The following ETFA variants were observed in gnomAD, a reference collection of about 807,000 sequenced individuals.
ETFA encodes electron transfer flavoprotein subunit alpha, mitochondrial.
A neutral mutation model predicts 46.2 loss-of-function variants in ETFA; 22 were observed. The ratio of observed to expected loss-of-function variants is 0.48; its 90% CI spans 0.34 to 0.68. ETFA has a LOEUF of 0.68. Ranked by LOEUF, ETFA falls within the 30% of genes least tolerant of loss-of-function variation. ETFA has a pLI of 0.01. For synonymous variants in ETFA, 131 were observed against 139.9 expected (o/e 0.94, Z 0.45); for missense variants, 345 against 401.1 (o/e 0.86, Z 1.19).
intron 9 of ETFA, among the ~76,000 whole-genome samples, chr15:76,237,588 A>G (rs1193043219): frequency 6.6e-6 from 1 of 152,198 alleles, no homozygotes. Flanking sequence ...AACTGCTGTT[A>G]TGTGTAAAAT....
chr15:76,290,973 T>G (rs2039755475), intron 4 of ETFA, among the ~76,000 whole-genome samples: 1 of 152,146 alleles, frequency 6.6e-6, no homozygotes, highest in Non-Finnish European at 1.5e-5. Flanking sequence ...CCTAGCACTT[T>G]GGGAGGCTGA....
chr15:76,255,686 G>A (rs926981254), intron 9 of ETFA, among the ~76,000 whole-genome samples: 2 of 152,152 alleles, frequency 1.3e-5, no homozygotes, highest in Non-Finnish European at 2.9e-5. Context: ...AATCACTGAA[G>A]AATATTTTTA....
intron 9 of ETFA, among the ~76,000 whole-genome samples, chr15:76,254,804 A>G (rs2039333616): frequency 6.6e-6 from 1 of 152,140 alleles, no homozygotes; most frequent in African/African-American, 2.4e-5. Context: ...GTATATAGGG[A>G]TTAACTTAGT....
At chr15:76,250,792 C>T (rs1429876271) in intron 9 of ETFA, among the ~76,000 whole-genome samples, 1 of 151,932 alleles carries the variant, frequency 6.6e-6, no homozygotes, top group Non-Finnish European at 1.5e-5. Flanking sequence ...CTGCTGCAGC[C>T]TCCCAAAGTG....
At chr15:76,271,938 CA>C (rs1567211002) in intron 9 of ETFA, among the ~76,000 whole-genome samples, 10 of 151,588 alleles carry the variant, frequency 6.6e-5, no homozygotes, top group South Asian at 2.1e-4. Flanking sequence ...CACACACACA[CA>C]CCCTGAGTTA....
intron 9 of ETFA, among the ~76,000 whole-genome samples, chr15:76,258,689 G>A (rs993674112): frequency 2.6e-5 from 4 of 152,134 alleles, no homozygotes; most frequent in African/African-American, 9.7e-5. Context: ...CCACACCCAT[G>A]GTAACCATGG....
chr15:76,302,399 T>C (rs1352715635), intron 1 of ETFA, among the ~76,000 whole-genome samples: 5 of 149,436 alleles, frequency 3.3e-5, no homozygotes, highest in African/African-American at 1.2e-4. Context: ...AAAAACAGTC[T>C]GAAAAGGCTA....
intron 1 of ETFA, chr15:76,310,138 C>T (rs191122016): frequency 6.6e-6 from 1 of 152,040 alleles, no homozygotes; most frequent in East Asian, 1.9e-4. Flanking sequence ...CCCAGCTTCT[C>T]GGGAAGCTGA....
At chr15:76,282,090 G>C (rs1305462671) in intron 8 of ETFA, among the ~76,000 whole-genome samples, 1 of 151,920 alleles carries the variant, frequency 6.6e-6, no homozygotes, top group East Asian at 1.9e-4. Context: ...TTTTGGTACA[G>C]ATGGGGTTTC....
intron 2 of ETFA, among the ~76,000 whole-genome samples, chr15:76,295,187 A>T (rs1330808901): frequency 6.6e-6 from 1 of 152,256 alleles, no homozygotes; most frequent in Non-Finnish European, 1.5e-5. Context: ...CTTAACATTC[A>T]AATTCTTCTA....
intron 9 of ETFA, among the ~76,000 whole-genome samples, chr15:76,272,737 T>G (rs1439851964): frequency 6.6e-6 from 1 of 151,432 alleles, no homozygotes; most frequent in African/African-American, 2.4e-5. Context: ...CTGTGGTGTG[T>G]TATGATCATG....
chr15:76,283,718 A>C (rs1434422970), intron 8 of ETFA, 39 bp downstream of exon 8: 1 of 1,267,524 alleles, frequency 7.9e-7, no homozygotes, highest in South Asian at 1.2e-5. Context: ...TATTTCCAAC[A>C]AAAAGGGAAT....
At chr15:76,276,338 C>G (rs1193179024) in intron 8 of ETFA, among the ~76,000 whole-genome samples, 3 of 151,950 alleles carry the variant, frequency 2.0e-5, no homozygotes, top group African/African-American at 7.3e-5. Context: ...TGCTCTTGTA[C>G]AGGTATGGTG....
chr15:76,234,069 C>G (rs16968016), intron 9 of ETFA, among the ~76,000 whole-genome samples: 5,710 of 152,276 alleles, frequency 0.037, 161 homozygotes, highest in South Asian at 0.12. Flanking sequence ...CCAAAACAAA[C>G]TGAAGGCAGT....
At chr15:76,307,596 C>T (rs950712578) in intron 1 of ETFA, among the ~76,000 whole-genome samples, 58 of 151,854 alleles carry the variant, frequency 3.8e-4, no homozygotes, top group African/African-American at 1.4e-3. Context: ...AAGCAAGTCT[C>T]GTGCCTCAGC....
intron 10 of ETFA, chr15:76,231,111 A>G: frequency 3.8e-6 from 2 of 520,606 alleles, no homozygotes; most frequent in Admixed American, 3.3e-5. Context: ...TTAGCAGTGG[A>G]GCTATAACTC....
At chr15:76,248,072 A>G (rs1232534186) in intron 9 of ETFA, among the ~76,000 whole-genome samples, 3 of 152,204 alleles carry the variant, frequency 2.0e-5, no homozygotes, top group African/African-American at 7.2e-5. Flanking sequence ...GAATTCTAAA[A>G]CTGTAAAGTA....
At chr15:76,261,759 T>A (rs2039416514) in intron 9 of ETFA, 4 of 208,180 alleles carry the variant, frequency 1.9e-5, no homozygotes, top group Non-Finnish European at 3.8e-5. Context: ...AATGTGACTT[T>A]TTATATCGAC....
At chr15:76,251,020 T>G (rs2039293117) in intron 9 of ETFA, among the ~76,000 whole-genome samples, 1 of 151,516 alleles carries the variant, frequency 6.6e-6, no homozygotes, top group South Asian at 2.1e-4. Flanking sequence ...AACTTTTAAA[T>G]AAAAAGAAAA....
Sources: allele counts gnomAD v4.1 joint callset (sites outside exome capture counted in the v4.1 genomes callset), GRCh38; gene constraint gnomAD v4.1.1; transcripts MANE v1.5; gene names NCBI Gene and HGNC (gene_info 2026-07-23, HGNC 2026-07-21).